The following CDH23 variants were observed in gnomAD, a reference collection of about 807,000 sequenced individuals.
CDH23 encodes cadherin-23.
A neutral mutation model predicts 317.1 loss-of-function variants in CDH23; 189 were observed. The observed-to-expected ratio is 0.60, with a 90% CI of 0.53 to 0.67. The LOEUF (loss-of-function observed/expected upper bound fraction) is 0.67. CDH23 is among the 30% of genes least tolerant of loss of function. The pLI, the probability that CDH23 is intolerant of heterozygous loss-of-function variation, is 0.00. For synonymous variants in CDH23, 1,839 were observed against 1,876.8 expected, an observed-to-expected ratio of 0.98 and a Z score of 0.52; for missense variants, 4,401 against 4,592.4, an observed-to-expected ratio of 0.96 and a Z score of 1.20.
intron 2 of CDH23, among the ~76,000 whole-genome samples, chr10:71,444,665 C>T (rs1312392352): frequency 1.3e-5 from 2 of 152,186 alleles, no homozygotes; most frequent in African/African-American, 4.8e-5. Context: ...GAAAAGAGGC[C>T]AGTCTCCCAG....
intron 1 of CDH23, among the ~76,000 whole-genome samples, chr10:71,400,060 T>A (rs1271663839): frequency 6.6e-6 from 1 of 152,214 alleles, no homozygotes; most frequent in African/African-American, 2.4e-5. Flanking sequence ...GGGAAGATAC[T>A]GACCAAGCTC....
At chr10:71,746,515 T>C (rs12255880) in intron 38 of CDH23, among the ~76,000 whole-genome samples, 79,610 of 152,080 alleles carry the variant, frequency 0.52, 21,369 homozygotes, top group Non-Finnish European at 0.59. Flanking sequence ...GGGGGAGTCA[T>C]TGTGGAGCCT....
At position 71,530,501 on chromosome 10, in the gene CDH23, G is replaced by T. The variant is rs567711611; in HGVS notation, c.429+19289G>T. Among the ~76,000 whole-genome samples the T allele has an allele frequency of 2.6e-5, 4 of 152,342 alleles. No individual in the cohort carries two copies. The South Asian group carries it at 8.3e-4, about 32-fold the overall frequency. ...GTGTTGCTCTGCCAAGGACCGTGGG[G>T]ATTGTGCTGTCATTCTTGTTGCCTG... is the stretch of plus-strand genomic sequence containing the variant. On this transcript the variant is annotated intron_variant, in intron 6 of 69. Transcript: ENST00000224721.
rs1048435897 is a variant in CDH23, at chr10:71,515,414, A to G, written c.429+4202A>G. On this transcript the variant is annotated intron_variant, in intron 6 of 69. Coordinates refer to ENST00000224721, the MANE Select transcript of CDH23 (RefSeq NM_022124.6). ...CTCTCTCACACACACACACACACAC[A>G]CACACGCACACATACACATTGTACT... 2.5e-3 allele frequency among the ~76,000 whole-genome samples: 377 copies of G among 147,990 alleles called. 3 individuals carry two copies. Among genetic ancestry groups the G allele is most frequent in the African/African-American group, 9.3e-3 (355 of 38,358 alleles).
intron 9 of CDH23, among the ~76,000 whole-genome samples, chr10:71,593,334 A>G (rs1306243933): frequency 6.6e-6 from 1 of 152,238 alleles, no homozygotes; most frequent in Non-Finnish European, 1.5e-5. Flanking sequence ...TAGACTCCAG[A>G]TGGATTCAAG....
intron 53 of CDH23, among the ~76,000 whole-genome samples, chr10:71,801,958 T>C (rs114242013): frequency 0.012 from 1,814 of 152,226 alleles, 34 homozygotes; most frequent in African/African-American, 0.041. Context: ...AGATGTGCAA[T>C]TGGGGACATG....
At chr10:71,412,889 A>G (rs937980519) in intron 1 of CDH23, among the ~76,000 whole-genome samples, 1 of 152,090 alleles carries the variant, frequency 6.6e-6, no homozygotes, top group African/African-American at 2.4e-5. Flanking sequence ...TTAATCCTTT[A>G]TCAGATGTGT....
intron 11 of CDH23, among the ~76,000 whole-genome samples, chr10:71,639,021 G>A (rs1862406925): frequency 6.6e-6 from 1 of 152,238 alleles, no homozygotes; most frequent in Admixed American, 6.5e-5. Flanking sequence ...GGACCGGCAG[G>A]GAGCCAGGAG....
chr10:71,633,171 G>A (rs996686950), intron 11 of CDH23, among the ~76,000 whole-genome samples: 6 of 152,028 alleles, frequency 3.9e-5, no homozygotes, highest in Admixed American at 6.5e-5. Context: ...GAGCCCTCAC[G>A]ATCCAATCAC....
At chr10:71,765,493 A>T (rs1056665214) in intron 38 of CDH23, among the ~76,000 whole-genome samples, 10 of 152,128 alleles carry the variant, frequency 6.6e-5, no homozygotes, top group Non-Finnish European at 1.2e-4. Context: ...TGTTGGCCTG[A>T]GTGTCCCTGT....
intron 6 of CDH23, among the ~76,000 whole-genome samples, chr10:71,553,727 T>C (rs1856727827): frequency 6.6e-6 from 1 of 152,242 alleles, no homozygotes; most frequent in Admixed American, 6.5e-5. Context: ...ATTCATTTTG[T>C]TTAACATGAT....
chr10:71,789,753 G>A (rs1353430592), intron 45 of CDH23, among the ~76,000 whole-genome samples: 3 of 152,212 alleles, frequency 2.0e-5, no homozygotes, highest in Non-Finnish European at 4.4e-5. Context: ...TGATGCGCTC[G>A]TGTGCAGACA....
At chr10:71,546,500 G>A (rs1456772179) in intron 6 of CDH23, among the ~76,000 whole-genome samples, 1 of 152,192 alleles carries the variant, frequency 6.6e-6, no homozygotes, top group East Asian at 1.9e-4. Context: ...CACAGAAGGG[G>A]CACCCAACCC....
chr10:71,701,456 G>T (rs770915093), intron 22 of CDH23, among the ~76,000 whole-genome samples: 2 of 152,156 alleles, frequency 1.3e-5, no homozygotes, highest in African/African-American at 2.4e-5. Flanking sequence ...CCTTCATGAC[G>T]TGGGGGTTAT....
intron 3 of CDH23, among the ~76,000 whole-genome samples, chr10:71,492,721 A>C (rs1442976933): frequency 6.6e-6 from 1 of 152,000 alleles, no homozygotes; most frequent in African/African-American, 2.4e-5. Flanking sequence ...AGCAGAGAAC[A>C]CAGGTCAGAG....
At chr10:71,679,309 A>ACCTCCCAGCTG in intron 16 of CDH23, 78 bp from the exon 17 acceptor site, 1 of 602,460 alleles carries the variant, frequency 1.7e-6, no homozygotes, top group Non-Finnish European at 3.1e-6. Flanking sequence ...AGTCTTCCCC[A>ACCTCCCAGCTG]CCCTCCCAGC....
chr10:71,805,866 A>G lies in CDH23; in HGVS notation c.7933A>G (p.Asn2645Asp). 6.2e-7 allele frequency: 1 copy of G among 1,613,870 alleles called. No individual in the cohort carries two copies. The highest frequency in any genetic ancestry group is 8.5e-7 in the Non-Finnish European group (1 of 1,179,852). ...VYATDKDEGLNGAVRYSFLKT... is the reference protein window; with the variant it reads ...VYATDKDEGLDGAVRYSFLKT... Reference sequence around the variant, plus strand: ...CGCCACGGACAAGGATGAGGGCCTCAACGGGGCGGTGCGCTACAGCTTCCT... The same window carrying G: ...CGCCACGGACAAGGATGAGGGCCTCGACGGGGCGGTGCGCTACAGCTTCCT... Residue 2645 changes from asparagine to aspartate, a missense_variant, in exon 56 of 70, where the codon AAC (asparagine) becomes GAC (aspartate). By Grantham distance (23) the Asn-to-Asp change is conservative. Transcript: ENST00000224721.
chr10:71,515,312 C>G (rs1461866456), intron 6 of CDH23, among the ~76,000 whole-genome samples: 1 of 151,342 alleles, frequency 6.6e-6, no homozygotes, highest in Non-Finnish European at 1.5e-5. Flanking sequence ...ATGAACTCTC[C>G]TATCAGCCAT....
In CDH23 at chr10:71,709,139, G is replaced by A; in HGVS notation, c.3148G>A (p.Ala1050Thr). ...GAAGTTCAGCGTGGGTTACCGCGAT[G>A]CCGTTGTGAGAACCGTGGTGGGCCT... is the stretch of plus-strand genomic sequence containing the variant. ...DGKFSVGYRD[A>T]VVRTVVGLDR... Residue 1050 changes from alanine to threonine, a missense_variant, in exon 27 of 70, where the codon GCC becomes ACC. By Grantham distance (58) the Ala-to-Thr change is moderately conservative (BLOSUM62 0). Coordinates refer to ENST00000224721, the MANE Select transcript of CDH23 (RefSeq NM_022124.6). The A allele has an allele frequency of 6.2e-7, 1 of 1,613,972 alleles. No individual in the cohort carries two copies. The highest frequency in any genetic ancestry group is 8.5e-7 in the Non-Finnish European group (1 of 1,179,892).
Sources: gnomAD v4.1 joint callset for allele counts (sites outside exome capture counted in the v4.1 genomes callset) on GRCh38, gnomAD v4.1.1 for gene constraint, MANE v1.5 for transcripts, NCBI Gene and HGNC (gene_info 2026-07-23, HGNC 2026-07-21) for gene names.